Variants in ZNF804B observed in about 807,000 individuals in gnomAD.
ZNF804B encodes the protein zinc finger 804B.
ZNF804B carries 80 observed loss-of-function variants against 101.4 expected under a neutral mutation model. The ratio of observed to expected loss-of-function variants is 0.79; its 90% CI spans 0.66 to 0.95. ZNF804B has a LOEUF of 0.95. Among genes scored for constraint, ZNF804B ranks in the 40% least tolerant of loss-of-function variants. The pLI is 0.00. For synonymous variants in ZNF804B, 622 were observed against 558.8 expected (o/e 1.11, Z -1.59); for missense variants, 1,673 against 1,561.9 (o/e 1.07, Z -1.20).
At chr7:89,106,672 A>G (rs1790141963) in intron 1 of ZNF804B, among the ~76,000 whole-genome samples, 1 of 152,148 alleles carries the variant, frequency 6.6e-6, no homozygotes, top group Non-Finnish European at 1.5e-5. Flanking sequence ...GACAACATAG[A>G]AAAATCCTGT....
intron 1 of ZNF804B, among the ~76,000 whole-genome samples, chr7:89,098,998 A>C (rs1021119904): frequency 4.7e-5 from 7 of 149,238 alleles, no homozygotes; most frequent in Non-Finnish European, 8.9e-5. Context: ...TCAACAGTGC[A>C]GTACAATTAT....
intron 1 of ZNF804B, among the ~76,000 whole-genome samples, chr7:88,870,709 C>G (rs1276530702): frequency 6.6e-6 from 1 of 152,044 alleles, no homozygotes; most frequent in Non-Finnish European, 1.5e-5. Context: ...GGAGTCAATC[C>G]TGACATATTT....
chr7:88,909,040 G>A (rs938592856), intron 1 of ZNF804B, among the ~76,000 whole-genome samples: 1 of 151,694 alleles, frequency 6.6e-6, no homozygotes, highest in Non-Finnish European at 1.5e-5. Flanking sequence ...ACTGAAGATA[G>A]ATGGAAAAAA....
intron 1 of ZNF804B, among the ~76,000 whole-genome samples, chr7:88,948,610 C>T (rs1793172758): frequency 6.6e-6 from 1 of 151,852 alleles, no homozygotes; most frequent in South Asian, 2.1e-4. Flanking sequence ...CCTGCTCCTG[C>T]TGTCCATCTG....
intron 1 of ZNF804B, among the ~76,000 whole-genome samples, chr7:88,959,616 C>G (rs1409518327): frequency 6.6e-6 from 1 of 151,314 alleles, no homozygotes; most frequent in African/African-American, 2.4e-5. Context: ...TTTGTCCATC[C>G]CCACACTGAA....
At chr7:89,279,496 G>T (rs993237846) in intron 2 of ZNF804B, among the ~76,000 whole-genome samples, 4 of 150,728 alleles carry the variant, frequency 2.7e-5, no homozygotes, top group Non-Finnish European at 5.9e-5. Context: ...GTTTGTCATA[G>T]ATAGCTCTTA....
At chr7:88,785,209 G>T (rs370186350) in intron 1 of ZNF804B, among the ~76,000 whole-genome samples, 45 of 152,136 alleles carry the variant, frequency 3.0e-4, no homozygotes, top group South Asian at 4.2e-4. Context: ...CCAAACTGTT[G>T]CTCCTCCAAT....
intron 2 of ZNF804B, among the ~76,000 whole-genome samples, chr7:89,277,984 T>C (rs1790016766): frequency 6.6e-6 from 1 of 152,174 alleles, no homozygotes; most frequent in African/African-American, 2.4e-5. Flanking sequence ...AAAGTGTTCT[T>C]ATTTCTCCAC....
intron 2 of ZNF804B, among the ~76,000 whole-genome samples, chr7:89,252,340 G>C (rs752789529): frequency 1.3e-5 from 2 of 152,054 alleles, no homozygotes; most frequent in Admixed American, 6.6e-5. Flanking sequence ...TCTCACATCA[G>C]TCAGAATGGC....
In ZNF804B at chr7:89,064,327, G is replaced by A. The variant is rs116764236; in HGVS notation, c.109-153828G>A. Reference sequence around the variant, plus strand: ...GCAAATAGCTGACTATCCACTGACAGCCCTCCCTGAAGCTGGGGCAGCAAG... The same window carrying A: ...GCAAATAGCTGACTATCCACTGACAACCCTCCCTGAAGCTGGGGCAGCAAG... On this transcript the variant is annotated intron_variant, in intron 1 of 3. Transcript: ENST00000333190. Among the ~76,000 whole-genome samples, 1,327 of 152,234 alleles carry A rather than the reference G, an allele frequency of 8.7e-3. 18 individuals carry two copies. The highest frequency in any genetic ancestry group is 0.031 in the African/African-American group (1,279 of 41,542).
chr7:88,814,415 A>G (rs1790841072), intron 1 of ZNF804B, among the ~76,000 whole-genome samples: 2 of 151,438 alleles, frequency 1.3e-5, no homozygotes, highest in Non-Finnish European at 3.0e-5. Context: ...ATAGAACCAT[A>G]TGAACCAATC....
chr7:89,275,324 A>G (rs1290682659), intron 2 of ZNF804B, among the ~76,000 whole-genome samples: 1 of 151,990 alleles, frequency 6.6e-6, no homozygotes, highest in Non-Finnish European at 1.5e-5. Context: ...TTTATAACCA[A>G]TCTACCTGCT....
At chr7:88,901,777 A>G (rs1246573740) in intron 1 of ZNF804B, among the ~76,000 whole-genome samples, 1 of 151,922 alleles carries the variant, frequency 6.6e-6, no homozygotes, top group Non-Finnish European at 1.5e-5. Context: ...AGCTGAAAAG[A>G]TTTAGAATTT....
chr7:89,082,611 A>G lies in ZNF804B; in HGVS notation c.109-135544A>G, dbSNP rs117905715. Reference sequence around the variant, plus strand: ...ACTCTTCTTCTTTGAAATGCCATCTATCACTAGGTTGCAGATGAGGTAGAG... The same window carrying G: ...ACTCTTCTTCTTTGAAATGCCATCTGTCACTAGGTTGCAGATGAGGTAGAG... On this transcript the variant is annotated intron_variant, in intron 1 of 3. Transcript: ENST00000333190. Among the ~76,000 whole-genome samples, 290 of 151,932 alleles carry G rather than the reference A, an allele frequency of 1.9e-3. 1 individual carries two copies. Among genetic ancestry groups the G allele is most frequent in the Non-Finnish European group, 3.6e-3 (243 of 67,782 alleles).
chr7:89,269,232 G>A (rs113687656), intron 2 of ZNF804B, among the ~76,000 whole-genome samples: 5,577 of 151,998 alleles, frequency 0.037, 314 homozygotes, highest in African/African-American at 0.13. Context: ...CCCCACAACA[G>A]GCTCTGGTGT....
intron 1 of ZNF804B, among the ~76,000 whole-genome samples, chr7:88,969,266 G>A (rs984032743): frequency 6.6e-5 from 10 of 151,528 alleles, no homozygotes; most frequent in African/African-American, 2.4e-4. Flanking sequence ...TGTTGTTATA[G>A]CAGTGCATAG....
At chr7:89,065,380 C>A (rs1489778707) in intron 1 of ZNF804B, among the ~76,000 whole-genome samples, 1 of 152,150 alleles carries the variant, frequency 6.6e-6, no homozygotes, top group Non-Finnish European at 1.5e-5. Context: ...AAGTAATTCT[C>A]ACCCTATCTC....
intron 1 of ZNF804B, among the ~76,000 whole-genome samples, chr7:88,916,461 A>G (rs1436846483): frequency 2.0e-5 from 3 of 152,142 alleles, no homozygotes; most frequent in East Asian, 1.9e-4. Context: ...TGCACACTCT[A>G]TTGTATTGCT....
intron 1 of ZNF804B, among the ~76,000 whole-genome samples, chr7:89,007,673 G>C (rs868800611): frequency 7.5e-5 from 11 of 147,342 alleles, no homozygotes; most frequent in Middle Eastern, 3.6e-3. Context: ...AAAAGCAGCT[G>C]TATAGAAGCA....
Sources: gnomAD v4.1 joint callset for allele counts (sites outside exome capture counted in the v4.1 genomes callset) on GRCh38, gnomAD v4.1.1 for gene constraint, MANE v1.5 for transcripts, NCBI Gene and HGNC (gene_info 2026-07-23, HGNC 2026-07-21) for gene names.